THTPA: variants seen among roughly 807,000 people sequenced by gnomAD.
The protein encoded by THTPA is thiamine triphosphatase, also known as thiamine-triphosphatase.
A neutral mutation model predicts 16.5 loss-of-function variants in THTPA; 16 were observed. That is an observed-to-expected ratio of 0.97 (90% CI 0.66 to 1.47). The LOEUF (loss-of-function observed/expected upper bound fraction) is 1.47. THTPA is among the 40% of genes most tolerant of loss of function. The probability of loss-of-function intolerance (pLI) is 0.00; values close to 1 mark genes in which losing one functional copy is unlikely to be tolerated. For missense variants in THTPA, 281 were observed against 280.9 expected (o/e 1.00, Z 0.00); for synonymous variants, 110 against 115.5 (o/e 0.95, Z 0.30).
the THTPA span, chr14:23,522,306 C>T: frequency 6.6e-7 from 1 of 1,514,678 alleles, no homozygotes; most frequent in Non-Finnish European, 8.8e-7. Context: ...CCGTCAAATG[C>T]CATCTTGCAC....
the THTPA span, among the ~76,000 whole-genome samples, chr14:23,536,450 A>T: frequency 6.6e-6 from 1 of 152,208 alleles, no homozygotes. Context: ...TGGTCACAGC[A>T]TGTGGAACAG....
the THTPA span, chr14:23,522,803 G>T: frequency 6.5e-7 from 1 of 1,536,106 alleles, no homozygotes; most frequent in African/African-American, 1.4e-5. Context: ...AGGGTCAGTG[G>T]TGCCTGCTGT....
At chr14:23,528,744 A>C in the THTPA span, 1 of 985,282 alleles carries the variant, frequency 1.0e-6, no homozygotes, top group Non-Finnish European at 1.2e-6. Flanking sequence ...CAGCTCCCCC[A>C]GTGGCCCAGG....
At chr14:23,512,881 G>A in the THTPA span, 2 of 151,632 alleles carry the variant, frequency 1.3e-5, no homozygotes, top group Non-Finnish European at 2.9e-5. Context: ...GTGGTGAGTT[G>A]TGGGGAGGAA....
the THTPA span, chr14:23,534,661 T>C: frequency 2.0e-6 from 3 of 1,536,134 alleles, no homozygotes; most frequent in Middle Eastern, 1.7e-4. The surrounding 1 kb of genome is among the most constrained non-coding windows in gnomAD (Gnocchi z 4.5). Context: ...CATGGGGCCA[T>C]CTTTGGGATC....
the THTPA span, chr14:23,524,748 C>G: frequency 1.3e-6 from 2 of 1,536,328 alleles, no homozygotes; most frequent in Non-Finnish European, 1.7e-6. The surrounding 1 kb of genome is among the most constrained non-coding windows in gnomAD (Gnocchi z 5.6). Flanking sequence ...AATGGGCCCT[C>G]AGGCCCTGCT....
At chr14:23,523,579 C>T in the THTPA span, 2 of 1,545,554 alleles carry the variant, frequency 1.3e-6, no homozygotes, top group South Asian at 2.4e-5. This position sits in a 1 kb window ranked among gnomAD's most constrained non-coding sequence, Gnocchi z 4.1. Flanking sequence ...GTTTGGCCTT[C>T]TTTTCCTTGG....
the THTPA span, chr14:23,523,278 G>A: frequency 3.3e-4 from 480 of 1,437,576 alleles, 3 homozygotes; most frequent in African/African-American, 6.0e-3. This position sits in a 1 kb window ranked among gnomAD's most constrained non-coding sequence, Gnocchi z 4.1. Context: ...GGCGCCAGGC[G>A]AGGCAAGGTT....
the THTPA span, chr14:23,530,277 C>T: frequency 1.8e-6 from 2 of 1,096,038 alleles, no homozygotes; most frequent in Non-Finnish European, 2.7e-6. Flanking sequence ...GCAGGACAAG[C>T]AGCCAGTCAA....
rs1342283265 is a variant in THTPA, at chr14:23,559,891, C to G, written c.*1051C>G. The G allele has an allele frequency of 6.2e-7, 1 of 1,610,724 alleles. No individual in the cohort carries two copies. The highest frequency in any genetic ancestry group is 8.5e-7 in the Non-Finnish European group (1 of 1,177,252). On this transcript the variant is annotated 3_prime_UTR_variant, in exon 2 of 2. Transcript: ENST00000288014. Reference sequence around the variant, plus strand: ...CAGGGACCAGGGTTAGCACCCACGGCTTCTTCTATCCCTGGGTCTTGTCTT... The same window carrying G: ...CAGGGACCAGGGTTAGCACCCACGGGTTCTTCTATCCCTGGGTCTTGTCTT...
At chr14:23,538,490 C>T in the THTPA span, among the ~76,000 whole-genome samples, 2 of 152,032 alleles carry the variant, frequency 1.3e-5, no homozygotes, top group African/African-American at 2.4e-5. Flanking sequence ...TTTCTTTGCC[C>T]TTCCTACCTT....
the THTPA span, among the ~76,000 whole-genome samples, chr14:23,519,167 A>G: frequency 1.3e-5 from 2 of 151,798 alleles, no homozygotes; most frequent in African/African-American, 4.8e-5. Context: ...AGGAGGGGGG[A>G]TTTCTGGTTA....
At chr14:23,548,919 T>G in the THTPA span, among the ~76,000 whole-genome samples, 1 of 152,222 alleles carries the variant, frequency 6.6e-6, no homozygotes, top group African/African-American at 2.4e-5. Flanking sequence ...GGCATTTGTT[T>G]CCTTTGATAC....
At chr14:23,538,640 C>T in the THTPA span, among the ~76,000 whole-genome samples, 6 of 152,236 alleles carry the variant, frequency 3.9e-5, no homozygotes, top group South Asian at 1.2e-3. Flanking sequence ...CATCCCCTAT[C>T]CCTGCGGACA....
the THTPA span, among the ~76,000 whole-genome samples, chr14:23,538,601 T>C: frequency 0.17 from 25,742 of 151,986 alleles, 2,480 homozygotes; most frequent in Admixed American, 0.28. Flanking sequence ...TCGCCATTCT[T>C]CCCTTTAGTT....
At chr14:23,518,760 G>A in the THTPA span, among the ~76,000 whole-genome samples, 2 of 152,150 alleles carry the variant, frequency 1.3e-5, no homozygotes, top group African/African-American at 4.8e-5. This position sits in a 1 kb window ranked among gnomAD's most constrained non-coding sequence, Gnocchi z 4.5. Context: ...CTTGAGTTAC[G>A]GCTGTTACTC....
chr14:23,548,417 A>G, the THTPA span: 4 of 152,240 alleles, frequency 2.6e-5, no homozygotes, highest in African/African-American at 9.7e-5. Flanking sequence ...CCCGTAGGTG[A>G]TACAGCACCC....
the THTPA span, among the ~76,000 whole-genome samples, chr14:23,519,959 C>A: frequency 2.0e-5 from 3 of 152,176 alleles, no homozygotes; most frequent in Admixed American, 2.0e-4. Context: ...GTAGGAAAAA[C>A]TACCTGGAGG....
chr14:23,558,409 C>T (rs372117863), intron 1 of THTPA, among the ~76,000 whole-genome samples: 5 of 152,338 alleles, frequency 3.3e-5, no homozygotes, highest in South Asian at 2.1e-4. Flanking sequence ...AGGCATCCTT[C>T]GTTTATCTTG....
Sources: gnomAD v4.1 joint callset for allele counts (sites outside exome capture counted in the v4.1 genomes callset) on GRCh38, gnomAD v4.1.1 for gene constraint, Gnocchi (gnomAD v3.1) non-coding constraint, MANE v1.5 for transcripts, NCBI Gene and HGNC (gene_info 2026-07-23, HGNC 2026-07-21) for gene names.